The following ARHGEF28 variants were observed in gnomAD, a reference collection of about 807,000 sequenced individuals.
The protein encoded by ARHGEF28 is 190 kDa guanine nucleotide exchange factor.
Under a neutral mutation model 206.6 loss-of-function variants are expected in ARHGEF28, and 152 were observed. The observed-to-expected ratio is 0.74, with a 90% CI of 0.64 to 0.84. The LOEUF (loss-of-function observed/expected upper bound fraction) is 0.84. Ranked by LOEUF, ARHGEF28 falls within the 40% of genes least tolerant of loss-of-function variation. ARHGEF28 has a pLI of 0.00. For missense variants in ARHGEF28, 2,028 were observed against 2,073.2 expected (o/e 0.98, Z 0.42); for synonymous variants, 763 against 776.4 (o/e 0.98, Z 0.29).
intron 28 of ARHGEF28, 52 bp downstream of exon 28, chr5:73,893,340 G>A (rs1002630836): frequency 7.0e-7 from 1 of 1,425,102 alleles, no homozygotes; most frequent in Admixed American, 2.4e-5. Context: ...CCTGGGTGTT[G>A]GGAAAGCCTG....
intron 1 of ARHGEF28, among the ~76,000 whole-genome samples, chr5:73,647,526 A>G (rs1166217672): frequency 6.6e-6 from 1 of 152,230 alleles, no homozygotes; most frequent in African/African-American, 2.4e-5. Flanking sequence ...ACATAATTTA[A>G]AATTTTCAAG....
intron 35 of ARHGEF28, among the ~76,000 whole-genome samples, chr5:73,916,244 C>T (rs1368267800): frequency 1.3e-5 from 2 of 152,096 alleles, no homozygotes; most frequent in Non-Finnish European, 2.9e-5. Flanking sequence ...TGACACCTTA[C>T]TTGTGTAATC....
At chr5:73,657,053 G>A (rs982908935) in intron 1 of ARHGEF28, among the ~76,000 whole-genome samples, 2 of 151,538 alleles carry the variant, frequency 1.3e-5, no homozygotes, top group Non-Finnish European at 2.9e-5. Flanking sequence ...GGCACGTGTA[G>A]TCCCAGCTAC....
chr5:73,700,431 A>T (rs906342973), intron 2 of ARHGEF28, among the ~76,000 whole-genome samples: 3 of 152,204 alleles, frequency 2.0e-5, no homozygotes, highest in Non-Finnish European at 2.9e-5. Flanking sequence ...AGTTAAAAAG[A>T]ATTTGTGAGT....
chr5:73,701,140 G>T (rs547315687), intron 2 of ARHGEF28, among the ~76,000 whole-genome samples: 1 of 152,186 alleles, frequency 6.6e-6, no homozygotes, highest in Non-Finnish European at 1.5e-5. Flanking sequence ...AAAACCCAGT[G>T]GTGAACACTT....
At chr5:73,832,276 A>G in intron 9 of ARHGEF28, 62 bp from the exon 10 acceptor site, 4 of 1,582,960 alleles carry the variant, frequency 2.5e-6, no homozygotes, top group Non-Finnish European at 3.4e-6. Flanking sequence ...AAGAAGGTAA[A>G]GCTTGACTGT....
intron 4 of ARHGEF28, among the ~76,000 whole-genome samples, chr5:73,755,588 G>A (rs6869571): frequency 0.33 from 50,815 of 152,018 alleles, 9,368 homozygotes; most frequent in African/African-American, 0.49. Flanking sequence ...CATGTTACCC[G>A]CATACTATAT....
chr5:73,878,080 A>C (rs994041562), intron 22 of ARHGEF28, among the ~76,000 whole-genome samples: 1 of 152,100 alleles, frequency 6.6e-6, no homozygotes, highest in Non-Finnish European at 1.5e-5. Flanking sequence ...TAGGTCACTC[A>C]AGACTTGCTT....
At chr5:73,856,952 A>G (rs990432755) in intron 14 of ARHGEF28, among the ~76,000 whole-genome samples, 1 of 152,186 alleles carries the variant, frequency 6.6e-6, no homozygotes, top group Non-Finnish European at 1.5e-5. Flanking sequence ...CATAGTCTGC[A>G]TATGTTTTTT....
At chr5:73,863,391 A>G (rs1290570779) in intron 16 of ARHGEF28, 1 of 151,980 alleles carries the variant, frequency 6.6e-6, no homozygotes, top group South Asian at 2.1e-4. Context: ...TGTTCGTTGT[A>G]TGACATCTAT....
chr5:73,748,386 A>G (rs1377276180), intron 2 of ARHGEF28, among the ~76,000 whole-genome samples: 1 of 152,198 alleles, frequency 6.6e-6, no homozygotes. Context: ...ATACCATTTC[A>G]TAATTTCCGA....
At chr5:73,926,914 T>C (rs1219613269) in intron 35 of ARHGEF28, among the ~76,000 whole-genome samples, 3 of 152,240 alleles carry the variant, frequency 2.0e-5, no homozygotes, top group Non-Finnish European at 2.9e-5. Flanking sequence ...TGCTGGCCAC[T>C]AAGTAGCTGA....
At chr5:73,918,439 C>A (rs1763337889) in intron 35 of ARHGEF28, among the ~76,000 whole-genome samples, 1 of 152,158 alleles carries the variant, frequency 6.6e-6, no homozygotes, top group African/African-American at 2.4e-5. Flanking sequence ...GGAATGTTCA[C>A]CTTTGGGTGA....
intron 28 of ARHGEF28, among the ~76,000 whole-genome samples, chr5:73,893,807 G>A (rs899416945): frequency 1.3e-5 from 2 of 152,190 alleles, no homozygotes; most frequent in African/African-American, 4.8e-5. Context: ...AGACTTTGGG[G>A]TTTTCAGCTC....
chr5:73,836,569 G>A (rs111474151), intron 10 of ARHGEF28, among the ~76,000 whole-genome samples: 29 of 152,104 alleles, frequency 1.9e-4, no homozygotes, highest in African/African-American at 4.8e-4. Context: ...TATTAACTCC[G>A]TATCAGATGC....
At chr5:73,747,537 A>G (rs1254252906) in intron 2 of ARHGEF28, among the ~76,000 whole-genome samples, 2 of 152,074 alleles carry the variant, frequency 1.3e-5, no homozygotes, top group Non-Finnish European at 2.9e-5. Flanking sequence ...GTGTTATTTC[A>G]TCTTCATATT....
In ARHGEF28 at chr5:73,780,661, C is replaced by G; in HGVS notation, c.841-15C>G. The G allele has an allele frequency of 6.5e-7, 1 of 1,543,338 alleles. No homozygotes were observed. Among genetic ancestry groups the G allele is most frequent in the East Asian group, 2.4e-5 (1 of 40,904 alleles). On this transcript the variant is annotated splice_polypyrimidine_tract_variant and intron_variant, in intron 6 of 35. Coordinates refer to ENST00000513042, the MANE Select transcript of ARHGEF28 (RefSeq NM_001177693.2). ...TCTGTGCTTTTTTGTTTTTTTTTTC[C>G]CCATTGTTTCCTAGGCCTTTGAGCC... is the stretch of plus-strand genomic sequence containing the variant.
At chr5:73,632,657 A>C (rs2112118489) in intron 1 of ARHGEF28, among the ~76,000 whole-genome samples, 1 of 152,338 alleles carries the variant, frequency 6.6e-6, no homozygotes, top group East Asian at 1.9e-4. Flanking sequence ...TCTTTTATTG[A>C]GGTTAGAAAA....
rs1350198613 is a variant in ARHGEF28, at chr5:73,876,068, C to T, written c.2814+2822C>T. ...TACCCATGAGCATAGAATGTTCTTCCATTTGTTTGTATCCTCTTTTATTTC... is the reference window on the plus strand; with the variant it reads ...TACCCATGAGCATAGAATGTTCTTCTATTTGTTTGTATCCTCTTTTATTTC... On this transcript the variant is annotated intron_variant, in intron 22 of 35. Coordinates refer to ENST00000513042, the MANE Select transcript of ARHGEF28 (RefSeq NM_001177693.2). Among the ~76,000 whole-genome samples, 93 of 149,128 alleles carry T rather than the reference C, an allele frequency of 6.2e-4. 1 individual carries two copies. Among genetic ancestry groups the T allele is most frequent in the East Asian group, 2.9e-3 (15 of 5,098 alleles).
Sources: gnomAD v4.1 joint callset for allele counts (sites outside exome capture counted in the v4.1 genomes callset) on GRCh38, gnomAD v4.1.1 for gene constraint, MANE v1.5 for transcripts, NCBI Gene and HGNC (gene_info 2026-07-23, HGNC 2026-07-21) for gene names.